The following CPNE4 variants were observed in gnomAD, a reference collection of about 807,000 sequenced individuals.
CPNE4 encodes copine-4.
CPNE4 carries 25 observed loss-of-function variants against 67.9 expected under a neutral mutation model. The observed-to-expected ratio is 0.37, with a 90% CI of 0.27 to 0.51. The LOEUF (loss-of-function observed/expected upper bound fraction) is 0.51, where lower values mean the gene tolerates loss of function less well. CPNE4 is among the 20% of genes least tolerant of loss of function. The pLI is 0.93. For missense variants in CPNE4, 464 were observed against 690.8 expected (o/e 0.67, Z 3.68); for synonymous variants, 242 against 244.9 (o/e 0.99, Z 0.11).
intron 1 of CPNE4, among the ~76,000 whole-genome samples, chr3:132,014,271 A>C (rs1166271453): frequency 6.6e-6 from 1 of 152,120 alleles, no homozygotes; most frequent in Non-Finnish European, 1.5e-5. Flanking sequence ...GCCTTCCCTA[A>C]GGGGACATGG....
At chr3:131,777,240 T>C (rs1025160202) in intron 2 of CPNE4, among the ~76,000 whole-genome samples, 1 of 152,096 alleles carries the variant, frequency 6.6e-6, no homozygotes, top group Non-Finnish European at 1.5e-5. Flanking sequence ...TGAGTACTCA[T>C]AAACCAGGAA....
chr3:131,940,712 A>T (rs930668646), intron 1 of CPNE4, among the ~76,000 whole-genome samples: 3 of 152,122 alleles, frequency 2.0e-5, no homozygotes, highest in African/African-American at 7.2e-5. Flanking sequence ...GGATAAGGAA[A>T]ATTAAAGAAT....
intron 1 of CPNE4, among the ~76,000 whole-genome samples, chr3:131,930,360 T>C (rs2071023681): frequency 6.6e-6 from 1 of 152,020 alleles, no homozygotes; most frequent in Admixed American, 6.6e-5. Flanking sequence ...TATAACCAGC[T>C]CAGGGTGACC....
rs535506854 is a variant in CPNE4, at chr3:131,875,689, G to A, written c.180+29575C>T. Among the ~76,000 whole-genome samples the A allele has an allele frequency of 9.7e-5, 14 of 145,042 alleles. No homozygotes were observed. The South Asian group carries it at 1.2e-3, about 12-fold the overall frequency. ...CACACCCAGGCCTGTCCTGGGGTGG[G>A]GGGAGGGGGGAGGGATAGCATTAGG... On this transcript the variant is annotated intron_variant, in intron 2 of 15. Transcript: ENST00000429747.
intron 7 of CPNE4, among the ~76,000 whole-genome samples, chr3:131,638,443 T>G (rs910811205): frequency 2.6e-5 from 4 of 152,042 alleles, no homozygotes; most frequent in African/African-American, 9.7e-5. Context: ...AGTATAATGA[T>G]AAAAGGACTA....
chr3:131,862,681 G>A (rs12637006), intron 2 of CPNE4, among the ~76,000 whole-genome samples: 4 of 146,576 alleles, frequency 2.7e-5, no homozygotes, highest in African/African-American at 7.5e-5. Context: ...TTCAGTCATG[G>A]CATTTTCTTT....
intron 2 of CPNE4, among the ~76,000 whole-genome samples, chr3:131,835,348 G>A (rs770719956): frequency 1.3e-5 from 2 of 152,160 alleles, no homozygotes; most frequent in Non-Finnish European, 2.9e-5. Flanking sequence ...GGCCAACGTG[G>A]TGAAATACCA....
chr3:131,740,762 C>G (rs1308310614), intron 2 of CPNE4, among the ~76,000 whole-genome samples: 1 of 152,204 alleles, frequency 6.6e-6, no homozygotes, highest in Non-Finnish European at 1.5e-5. Context: ...TTAAAACCTT[C>G]CGACAACTCC....
chr3:131,712,293 A>C (rs1435442884), intron 3 of CPNE4, among the ~76,000 whole-genome samples: 2 of 152,190 alleles, frequency 1.3e-5, no homozygotes, highest in African/African-American at 4.8e-5. Context: ...AATTTCCTAC[A>C]TCATCTATAA....
intron 2 of CPNE4, among the ~76,000 whole-genome samples, chr3:131,822,770 T>G (rs768966346): frequency 6.6e-6 from 1 of 152,244 alleles, no homozygotes; most frequent in African/African-American, 2.4e-5. Context: ...GTTTTTTAAG[T>G]ACTTTCCTTA....
intron 2 of CPNE4, among the ~76,000 whole-genome samples, chr3:131,796,584 T>G (rs1363292325): frequency 6.6e-6 from 1 of 152,188 alleles, no homozygotes; most frequent in Admixed American, 6.5e-5. Flanking sequence ...CTAGAATAAG[T>G]CACTGCCACA....
chr3:131,843,990 G>A (rs1452233734), intron 2 of CPNE4, among the ~76,000 whole-genome samples: 1 of 152,174 alleles, frequency 6.6e-6, no homozygotes, highest in East Asian at 1.9e-4. Context: ...GCTGCTAGAA[G>A]ATGTGGGAAG....
chr3:131,690,659 G>A (rs565950635), intron 5 of CPNE4, among the ~76,000 whole-genome samples: 57 of 151,754 alleles, frequency 3.8e-4, no homozygotes, highest in African/African-American at 1.3e-3. Context: ...GTCCTCAAAA[G>A]CAACAAAAAC....
At chr3:131,828,416 T>C (rs1209506240) in intron 2 of CPNE4, among the ~76,000 whole-genome samples, 1 of 152,210 alleles carries the variant, frequency 6.6e-6, no homozygotes, top group African/African-American at 2.4e-5. Flanking sequence ...TTGACTCCCA[T>C]CAGTCAAAAA....
At chr3:131,830,313 T>C (rs914084696) in intron 2 of CPNE4, among the ~76,000 whole-genome samples, 1 of 152,196 alleles carries the variant, frequency 6.6e-6, no homozygotes, top group Non-Finnish European at 1.5e-5. Flanking sequence ...CCTGTATTAT[T>C]ATAATGTCCT....
intron 14 of CPNE4, among the ~76,000 whole-genome samples, chr3:131,543,365 T>G (rs1404202821): frequency 6.6e-6 from 1 of 152,250 alleles, no homozygotes; most frequent in African/African-American, 2.4e-5. Flanking sequence ...TAGAAACATT[T>G]TAAGTATGTT....
chr3:131,692,507 C>T (rs1327802397), intron 5 of CPNE4, among the ~76,000 whole-genome samples: 1 of 152,150 alleles, frequency 6.6e-6, no homozygotes, highest in African/African-American at 2.4e-5. Context: ...GGTCAGCAAA[C>T]TATGGCACAT....
intron 7 of CPNE4, among the ~76,000 whole-genome samples, chr3:131,613,383 G>A (rs983130653): frequency 7.2e-5 from 11 of 152,050 alleles, no homozygotes; most frequent in Admixed American, 5.2e-4. Flanking sequence ...GTCTTCTGAT[G>A]ACTCAAGACC....
At chr3:131,733,793 T>A (rs779046683) in intron 2 of CPNE4, among the ~76,000 whole-genome samples, 1 of 152,150 alleles carries the variant, frequency 6.6e-6, no homozygotes, top group Non-Finnish European at 1.5e-5. Flanking sequence ...ATTTCTCTGT[T>A]ACAGCTGTGG....
Sources: allele counts gnomAD v4.1 joint callset (sites outside exome capture counted in the v4.1 genomes callset), GRCh38; gene constraint gnomAD v4.1.1; transcripts MANE v1.5; gene names NCBI Gene and HGNC (gene_info 2026-07-23, HGNC 2026-07-21).